The following UBE2H variants were observed in gnomAD, a reference collection of about 807,000 sequenced individuals.
The protein encoded by UBE2H is ubiquitin-conjugating enzyme E2 H.
In UBE2H, 3 loss-of-function variants were observed where a neutral mutation model predicts 29.0. The ratio of observed to expected loss-of-function variants is 0.10; its 90% CI spans 0.05 to 0.27. The LOEUF is 0.27. UBE2H is among the 10% of genes least tolerant of loss of function. The probability of loss-of-function intolerance (pLI) is 1.00; values close to 1 mark genes in which losing one functional copy is unlikely to be tolerated. For missense variants in UBE2H, 68 were observed against 228.2 expected, an observed-to-expected ratio of 0.30 and a Z score of 4.52; for synonymous variants, 69 against 82.9, an observed-to-expected ratio of 0.83 and a Z score of 0.91.
intron 1 of UBE2H, among the ~76,000 whole-genome samples, chr7:129,891,116 A>G (rs1806475549): frequency 6.7e-6 from 1 of 149,142 alleles, no homozygotes; most frequent in Non-Finnish European, 1.5e-5. Context: ...AGCCTGGGTG[A>G]CAGAGCAAGA....
intron 1 of UBE2H, among the ~76,000 whole-genome samples, chr7:129,905,214 G>A (rs1179956470): frequency 1.3e-5 from 2 of 151,698 alleles, no homozygotes; most frequent in Non-Finnish European, 2.9e-5. Context: ...AAGAAAGACT[G>A]GCAGGGGCCA....
chr7:129,933,883 G>C (rs1035592346), intron 1 of UBE2H, among the ~76,000 whole-genome samples: 4 of 152,198 alleles, frequency 2.6e-5, no homozygotes, highest in African/African-American at 9.6e-5. Context: ...CAGATCCACT[G>C]TGATAAGGAC....
chr7:129,928,174 T>C (rs1305494289), intron 1 of UBE2H, among the ~76,000 whole-genome samples: 4 of 149,616 alleles, frequency 2.7e-5, no homozygotes, highest in African/African-American at 7.4e-5. Flanking sequence ...CTACTAAAAA[T>C]ACAAAAAAGA....
intron 1 of UBE2H, among the ~76,000 whole-genome samples, chr7:129,935,019 G>GTA (rs1191332910): frequency 1.6e-3 from 246 of 149,336 alleles, no homozygotes; most frequent in African/African-American, 3.3e-3. Context: ...GTGTGTGTGT[G>GTA]TATATATATA....
chr7:129,865,349 G>C (rs1378673343), intron 3 of UBE2H, among the ~76,000 whole-genome samples: 1 of 152,108 alleles, frequency 6.6e-6, no homozygotes, highest in Admixed American at 6.5e-5. Flanking sequence ...AGTAACTTCT[G>C]ACATTGGGGT....
At chr7:129,944,117 G>A (rs1807704359) in intron 1 of UBE2H, among the ~76,000 whole-genome samples, 1 of 115,784 alleles carries the variant, frequency 8.6e-6, no homozygotes, top group African/African-American at 2.6e-5. Context: ...AGCACTTTGG[G>A]AGGCCACGGT....
At chr7:129,898,521 T>G (rs1806644059) in intron 1 of UBE2H, among the ~76,000 whole-genome samples, 1 of 152,048 alleles carries the variant, frequency 6.6e-6, no homozygotes, top group Admixed American at 6.6e-5. Flanking sequence ...AACTGAATAA[T>G]ATGAAAAAAA....
chr7:129,910,910 T>A (rs1266206879), intron 1 of UBE2H, among the ~76,000 whole-genome samples: 1 of 151,112 alleles, frequency 6.6e-6, no homozygotes, highest in Admixed American at 6.6e-5. Flanking sequence ...CAAAACAGGA[T>A]CACTCTGGCA....
rs994072754 is a variant in UBE2H at position 129,846,365 on chromosome 7, A to G, written c.299-7030T>C. ...TCTACAAAATAATAATAATAATAAT[A>G]ATAATAATAATAATAATAATAATTG... is the stretch of plus-strand genomic sequence containing the variant. On this transcript the variant is annotated intron_variant, in intron 5 of 6. Transcript: ENST00000355621. Among the ~76,000 whole-genome samples, 10 of 150,252 alleles carry G rather than the reference A, an allele frequency of 6.7e-5. No homozygotes were observed. The East Asian group carries it at 1.9e-3, about 29-fold the overall frequency.
At chr7:129,891,306 C>A (rs1436729137) in intron 1 of UBE2H, among the ~76,000 whole-genome samples, 2 of 151,948 alleles carry the variant, frequency 1.3e-5, no homozygotes, top group Non-Finnish European at 2.9e-5. Flanking sequence ...CTGCCTCAAC[C>A]TCCTATATAG....
intron 1 of UBE2H, among the ~76,000 whole-genome samples, chr7:129,886,871 T>C (rs1453489125): frequency 6.6e-6 from 1 of 151,950 alleles, no homozygotes; most frequent in Non-Finnish European, 1.5e-5. Context: ...AAGGAATCCT[T>C]CTCTTTTAGA....
intron 3 of UBE2H, among the ~76,000 whole-genome samples, chr7:129,865,886 T>C (rs2116333868): frequency 6.6e-6 from 1 of 152,314 alleles, no homozygotes; most frequent in East Asian, 1.9e-4. Context: ...GGGTAATAAC[T>C]TGGATCTCTG....
chr7:129,944,313 G>C (rs142815048), intron 1 of UBE2H, among the ~76,000 whole-genome samples: 2 of 151,976 alleles, frequency 1.3e-5, no homozygotes, highest in Non-Finnish European at 2.9e-5. Context: ...CCGAGATCGC[G>C]CCACTACACT....
intron 3 of UBE2H, among the ~76,000 whole-genome samples, chr7:129,869,650 C>G (rs1263489402): frequency 6.6e-6 from 1 of 152,118 alleles, no homozygotes; most frequent in Non-Finnish European, 1.5e-5. Flanking sequence ...CTTGAGGGTA[C>G]CAGTAGGTAG....
chr7:129,855,029 G>A (rs964337073), intron 5 of UBE2H, among the ~76,000 whole-genome samples: 30 of 152,178 alleles, frequency 2.0e-4, no homozygotes, highest in Non-Finnish European at 3.8e-4. Flanking sequence ...TGCCTAGGGC[G>A]AATAGTTAAA....
At chr7:129,882,574 G>A (rs770805776) in intron 1 of UBE2H, among the ~76,000 whole-genome samples, 89 of 152,228 alleles carry the variant, frequency 5.8e-4, no homozygotes, top group Middle Eastern at 3.4e-3. Flanking sequence ...TTCAGTCTAG[G>A]CTAATTTGAT....
intron 1 of UBE2H, among the ~76,000 whole-genome samples, chr7:129,924,013 C>G (rs1394620123): frequency 1.3e-5 from 2 of 152,200 alleles, no homozygotes. Flanking sequence ...CTGACCTCAG[C>G]AGGGCAAACA....
At chr7:129,915,879 AATC>A (rs1449223298) in intron 1 of UBE2H, among the ~76,000 whole-genome samples, 1 of 152,210 alleles carries the variant, frequency 6.6e-6, no homozygotes, top group Non-Finnish European at 1.5e-5. Context: ...TCGTTCTTTC[AATC>A]ATCAGTTCAG....
chr7:129,914,514 G>A (rs937402702), intron 1 of UBE2H, among the ~76,000 whole-genome samples: 2 of 152,094 alleles, frequency 1.3e-5, no homozygotes, highest in Non-Finnish European at 2.9e-5. Context: ...GAGGGAAGCC[G>A]ACACAAGAAA....
Sources: gnomAD v4.1 joint callset for allele counts (sites outside exome capture counted in the v4.1 genomes callset) on GRCh38, gnomAD v4.1.1 for gene constraint, MANE v1.5 for transcripts, NCBI Gene and HGNC (gene_info 2026-07-23, HGNC 2026-07-21) for gene names.